The following FAF1 variants were observed in gnomAD, a reference collection of about 807,000 sequenced individuals.
FAF1 encodes FAS-associated factor 1.
Under a neutral mutation model 92.5 loss-of-function variants are expected in FAF1, and 25 were observed. The observed-to-expected ratio is 0.27, with a 90% CI of 0.20 to 0.38. The LOEUF (loss-of-function observed/expected upper bound fraction) is 0.38. Among genes scored for constraint, FAF1 ranks in the 10% least tolerant of loss-of-function variants. The probability of loss-of-function intolerance (pLI) is 1.00; values close to 1 mark genes in which losing one functional copy is unlikely to be tolerated. For synonymous variants in FAF1, 234 were observed against 273.2 expected (o/e 0.86, Z 1.42); for missense variants, 636 against 793.3 (o/e 0.80, Z 2.38).
intron 1 of FAF1, among the ~76,000 whole-genome samples, chr1:50,889,205 G>T (rs1184431562): frequency 6.6e-6 from 1 of 152,166 alleles, no homozygotes; most frequent in African/African-American, 2.4e-5. Flanking sequence ...GGGATCGGTG[G>T]TGATATCCCT....
chr1:50,460,499 G>A (rs1027053421), intron 18 of FAF1, among the ~76,000 whole-genome samples: 4 of 152,144 alleles, frequency 2.6e-5, no homozygotes, highest in Non-Finnish European at 4.4e-5. Context: ...ATTCAGGCAC[G>A]AGTTTTAGGA....
At chr1:50,724,308 C>T (rs112568731) in intron 6 of FAF1, among the ~76,000 whole-genome samples, 14 of 140,138 alleles carry the variant, frequency 1.0e-4, no homozygotes, top group South Asian at 6.8e-4. Flanking sequence ...CACACACACA[C>T]ACACACACAC....
chr1:50,578,312 T>G (rs561464670), intron 12 of FAF1, among the ~76,000 whole-genome samples: 1 of 152,310 alleles, frequency 6.6e-6, no homozygotes, highest in African/African-American at 2.4e-5. Context: ...GAAGAAAATT[T>G]AGTAAGAGTG....
At chr1:50,748,535 G>A in intron 4 of FAF1, among the ~76,000 whole-genome samples, 1 of 151,180 alleles carries the variant, frequency 6.6e-6, no homozygotes. Context: ...ATGACTGAAA[G>A]GTAAAAAAGC....
chr1:50,916,469 G>T (rs1644919137), intron 1 of FAF1, among the ~76,000 whole-genome samples: 1 of 152,082 alleles, frequency 6.6e-6, no homozygotes, highest in Non-Finnish European at 1.5e-5. Flanking sequence ...TCTTTCTTGT[G>T]GCACTACCCT....
intron 3 of FAF1, among the ~76,000 whole-genome samples, chr1:50,796,069 C>A (rs969881140): frequency 2.1e-4 from 31 of 151,052 alleles, no homozygotes; most frequent in African/African-American, 6.3e-4. Context: ...CAAAAAAAAA[C>A]AAAAACAAAA....
At chr1:50,443,532 A>C (rs1646193531) in intron 18 of FAF1, among the ~76,000 whole-genome samples, 1 of 152,244 alleles carries the variant, frequency 6.6e-6, no homozygotes, top group Non-Finnish European at 1.5e-5. Context: ...CCATATGGTT[A>C]ATAAGTGTCT....
At chr1:50,896,793 T>C (rs1026623591) in intron 1 of FAF1, among the ~76,000 whole-genome samples, 2 of 152,132 alleles carry the variant, frequency 1.3e-5, no homozygotes, top group Non-Finnish European at 2.9e-5. Context: ...GTGAGGGGCA[T>C]GGAAAATTTG....
intron 4 of FAF1, among the ~76,000 whole-genome samples, chr1:50,764,263 T>C (rs913076105): frequency 6.6e-6 from 1 of 152,208 alleles, no homozygotes; most frequent in African/African-American, 2.4e-5. Context: ...GTACTAACTG[T>C]ACCCTGTGTG....
intron 18 of FAF1, among the ~76,000 whole-genome samples, chr1:50,442,385 C>CATA (rs1449022421): frequency 2.0e-5 from 3 of 152,350 alleles, no homozygotes; most frequent in Non-Finnish European, 4.4e-5. Context: ...TGTTGGCTAT[C>CATA]AGCTTTGTGG....
intron 8 of FAF1, among the ~76,000 whole-genome samples, chr1:50,645,353 A>G (rs890486318): frequency 1.3e-5 from 2 of 152,262 alleles, no homozygotes; most frequent in Non-Finnish European, 2.9e-5. Context: ...CTCAAGGGAA[A>G]GAGAGTTAAT....
intron 2 of FAF1, among the ~76,000 whole-genome samples, chr1:50,828,482 G>T (rs1644123383): frequency 6.6e-6 from 1 of 151,952 alleles, no homozygotes; most frequent in Non-Finnish European, 1.5e-5. Context: ...TGTTAACCAG[G>T]ATGTTTTCGA....
chr1:50,447,471 T>C (rs1158946008), intron 18 of FAF1, among the ~76,000 whole-genome samples: 1 of 152,202 alleles, frequency 6.6e-6, no homozygotes, highest in Non-Finnish European at 1.5e-5. Context: ...AGTTCCAGCA[T>C]CTTAAAGGCA....
chr1:50,710,114 G>T (rs1010681244), intron 6 of FAF1, among the ~76,000 whole-genome samples: 1 of 152,176 alleles, frequency 6.6e-6, no homozygotes, highest in African/African-American at 2.4e-5. Context: ...CGGAGTTCCA[G>T]AAGTCTTGAT....
intron 7 of FAF1, among the ~76,000 whole-genome samples, chr1:50,696,117 C>T (rs111368210): frequency 1.7e-4 from 26 of 152,116 alleles, no homozygotes; most frequent in African/African-American, 5.8e-4. Context: ...AGAGGTATTA[C>T]ATGTGTAAGA....
intron 8 of FAF1, among the ~76,000 whole-genome samples, chr1:50,622,565 T>C (rs1295007929): frequency 6.6e-6 from 1 of 152,232 alleles, no homozygotes; most frequent in East Asian, 1.9e-4. Flanking sequence ...AGTACAATTG[T>C]CATCCAGGAA....
At chr1:50,941,546 A>T (rs1645133140) in intron 1 of FAF1, among the ~76,000 whole-genome samples, 1 of 152,040 alleles carries the variant, frequency 6.6e-6, no homozygotes, top group African/African-American at 2.4e-5. Context: ...TTTTGTAGAG[A>T]CAAGATCTCA....
At chr1:50,765,439 T>G (rs1423075001) in intron 4 of FAF1, among the ~76,000 whole-genome samples, 2 of 152,236 alleles carry the variant, frequency 1.3e-5, no homozygotes, top group Non-Finnish European at 2.9e-5. Flanking sequence ...CTTCATAATT[T>G]CTAGAAGGCA....
chr1:50,493,895 C>T (rs1432533848), intron 15 of FAF1, among the ~76,000 whole-genome samples: 1 of 152,174 alleles, frequency 6.6e-6, no homozygotes, highest in Non-Finnish European at 1.5e-5. Flanking sequence ...TAAAAGCAAT[C>T]ACAGCTGGAA....
Sources: allele counts gnomAD v4.1 joint callset (sites outside exome capture counted in the v4.1 genomes callset), GRCh38; gene constraint gnomAD v4.1.1; transcripts MANE v1.5; gene names NCBI Gene and HGNC (gene_info 2026-07-23, HGNC 2026-07-21).